Variants in EXOC4 observed in about 807,000 individuals in gnomAD.
EXOC4 encodes exocyst complex component 4, also known as SEC8-like 1.
Under a neutral mutation model 107.2 loss-of-function variants are expected in EXOC4, and 71 were observed. That is an observed-to-expected ratio of 0.66 (90% confidence interval 0.55 to 0.81). The LOEUF (loss-of-function observed/expected upper bound fraction) is 0.81. EXOC4 is among the 30% of genes least tolerant of loss of function. The pLI is 0.00. For missense variants in EXOC4, 1,108 were observed against 1,189.6 expected, an observed-to-expected ratio of 0.93 and a Z score of 1.01; for synonymous variants, 456 against 441.2, an observed-to-expected ratio of 1.03 and a Z score of -0.42.
chr7:133,268,159 CA>C lies in EXOC4; in HGVS notation c.87-6820del, dbSNP rs371722699. 1.8e-4 allele frequency among the ~76,000 whole-genome samples: 28 copies of C among 152,204 alleles called. No individual in the cohort carries two copies. The East Asian group carries it at 5.4e-3, about 29-fold the overall frequency. ...TATTCTTATTGTCTTACCTGTTTTA[CA>C]AAGAAAAAAACAGACCCAGAAAAGT... On this transcript the variant is annotated intron_variant, in intron 1 of 17. Coordinates refer to ENST00000253861, the MANE Select transcript of EXOC4 (RefSeq NM_021807.4).
At chr7:133,814,966 C>T (rs1026795747) in intron 10 of EXOC4, among the ~76,000 whole-genome samples, 1 of 151,972 alleles carries the variant, frequency 6.6e-6, no homozygotes, top group Non-Finnish European at 1.5e-5. Flanking sequence ...TATTCTTCTC[C>T]TCTTTTTTGA....
intron 11 of EXOC4, among the ~76,000 whole-genome samples, chr7:133,859,384 C>A (rs1798485457): frequency 6.6e-6 from 1 of 152,202 alleles, no homozygotes; most frequent in Admixed American, 6.5e-5. Flanking sequence ...ATTTCTGTTT[C>A]TCAGCAGGGA....
At chr7:133,974,057 C>A (rs529545528) in intron 14 of EXOC4, among the ~76,000 whole-genome samples, 1 of 152,216 alleles carries the variant, frequency 6.6e-6, no homozygotes, top group Admixed American at 6.5e-5. Context: ...GGCCTAGTCA[C>A]CTCTTTAAGG....
chr7:133,659,242 G>A (rs1803376883), intron 10 of EXOC4, among the ~76,000 whole-genome samples: 1 of 151,926 alleles, frequency 6.6e-6, no homozygotes, highest in Non-Finnish European at 1.5e-5. Flanking sequence ...TTTCTAATGT[G>A]GATAGTAGTA....
intron 10 of EXOC4, among the ~76,000 whole-genome samples, chr7:133,798,530 T>G (rs1288598006): frequency 1.3e-5 from 2 of 149,868 alleles, no homozygotes; most frequent in Non-Finnish European, 3.0e-5. Flanking sequence ...GAGGTGAATT[T>G]AAGATACTAC....
At chr7:133,789,563 G>A (rs1433123295) in intron 10 of EXOC4, among the ~76,000 whole-genome samples, 2 of 152,208 alleles carry the variant, frequency 1.3e-5, no homozygotes, top group African/African-American at 2.4e-5. Context: ...TTTGAAAGCT[G>A]TGGATTCTAG....
chr7:133,345,678 T>A (rs1149566), intron 5 of EXOC4, among the ~76,000 whole-genome samples: 149,215 of 152,234 alleles, frequency 0.98, 73,180 homozygotes, highest in East Asian at 1. Flanking sequence ...TCTCCCCTTA[T>A]AGCAGACCTA....
chr7:134,021,619 A>G (rs1304799161), intron 17 of EXOC4, among the ~76,000 whole-genome samples: 1 of 151,366 alleles, frequency 6.6e-6, no homozygotes, highest in Non-Finnish European at 1.5e-5. Flanking sequence ...TATAGGCTTC[A>G]GTTGCCGTGT....
chr7:134,007,914 C>T (rs11769734), intron 17 of EXOC4, 79 bp downstream of exon 17: 134,248 of 1,307,984 alleles, frequency 0.1, 7,383 homozygotes, highest in South Asian at 0.13. Context: ...TAAAAATAGA[C>T]TCTTGGTGCA....
chr7:133,380,239 A>AAAAAT (rs10688501), intron 7 of EXOC4, among the ~76,000 whole-genome samples: 16,199 of 137,640 alleles, frequency 0.12, 1,143 homozygotes, highest in Non-Finnish European at 0.16. Flanking sequence ...AAAGTATAAT[A>AAAAAT]AAAATAAAAT....
intron 9 of EXOC4, among the ~76,000 whole-genome samples, chr7:133,616,922 ATCAAAAT>A (rs1802206889): frequency 6.6e-6 from 1 of 152,146 alleles, no homozygotes; most frequent in Admixed American, 6.5e-5. Flanking sequence ...AATCTAAGAA[ATCAAAAT>A]TCATAGATTG....
intron 4 of EXOC4, among the ~76,000 whole-genome samples, chr7:133,313,362 T>C (rs1021260195): frequency 1.3e-5 from 2 of 152,208 alleles, no homozygotes; most frequent in Non-Finnish European, 2.9e-5. Flanking sequence ...TGGTGAAGTC[T>C]TACTAAGGGC....
intron 7 of EXOC4, among the ~76,000 whole-genome samples, chr7:133,404,904 G>GCA (rs35757786): frequency 2.9e-4 from 32 of 111,354 alleles, no homozygotes; most frequent in East Asian, 2.5e-3. Flanking sequence ...ACACACACAC[G>GCA]CACACACACA....
chr7:133,855,104 A>T (rs59369780), intron 11 of EXOC4, among the ~76,000 whole-genome samples: 2,853 of 60,584 alleles, frequency 0.047, 111 homozygotes, highest in Non-Finnish European at 0.068. Flanking sequence ...TATATATATA[A>T]ATATATATAA....
chr7:134,092,747 A>AC, the EXOC4 span, among the ~76,000 whole-genome samples: 1 of 151,936 alleles, frequency 6.6e-6, no homozygotes, highest in Non-Finnish European at 1.5e-5. Context: ...ACATGGTGAA[A>AC]CCCCATCTCT....
At chr7:133,364,883 G>T (rs1341838411) in intron 6 of EXOC4, among the ~76,000 whole-genome samples, 3 of 152,192 alleles carry the variant, frequency 2.0e-5, no homozygotes, top group African/African-American at 7.2e-5. Context: ...GCTTGTTCGT[G>T]GTGCAATTAA....
intron 9 of EXOC4, among the ~76,000 whole-genome samples, chr7:133,538,248 C>T (rs977903065): frequency 6.6e-6 from 1 of 152,110 alleles, no homozygotes; most frequent in Non-Finnish European, 1.5e-5. Context: ...TTCTTTATTG[C>T]TGTTCTTTCA....
intron 9 of EXOC4, among the ~76,000 whole-genome samples, chr7:133,588,944 ATATG>A (rs1259202897): frequency 6.7e-6 from 1 of 149,742 alleles, no homozygotes; most frequent in Non-Finnish European, 1.5e-5. Flanking sequence ...GTGTGTATGT[ATATG>A]TGTGTGTGCA....
At chr7:133,384,447 C>T (rs769720710) in intron 7 of EXOC4, among the ~76,000 whole-genome samples, 4 of 152,016 alleles carry the variant, frequency 2.6e-5, no homozygotes, top group Admixed American at 6.5e-5. Flanking sequence ...GCCAAGTGTC[C>T]GTCAGACTCA....
Sources: allele counts gnomAD v4.1 joint callset (sites outside exome capture counted in the v4.1 genomes callset), GRCh38; gene constraint gnomAD v4.1.1; transcripts MANE v1.5; gene names NCBI Gene and HGNC (gene_info 2026-07-23, HGNC 2026-07-21).